The following SLC9A3 variants were observed in gnomAD, a reference collection of about 807,000 sequenced individuals.
The protein encoded by SLC9A3 is solute carrier family 9 member A3.
SLC9A3 carries 37 observed loss-of-function variants against 86.8 expected under a neutral mutation model. The ratio of observed to expected loss-of-function variants is 0.43; its 90% confidence interval spans 0.33 to 0.56. SLC9A3 has a LOEUF of 0.56. Among genes scored for constraint, SLC9A3 ranks in the 20% least tolerant of loss-of-function variants. The probability of loss-of-function intolerance (pLI) is 0.06; values close to 1 mark genes in which losing one functional copy is unlikely to be tolerated. For synonymous variants in SLC9A3, 581 were observed against 528.3 expected (o/e 1.10, Z -1.37); for missense variants, 1,011 against 1,171.9 (o/e 0.86, Z 2.00).
chr5:482,714 C>T lies in SLC9A3; in HGVS notation c.1190G>A (p.Arg397His). 4 of 1,610,848 alleles carry T rather than the reference C, an allele frequency of 2.5e-6. No homozygotes were observed. Among genetic ancestry groups the T allele is most frequent in the Non-Finnish European group, 3.4e-6 (4 of 1,179,136 alleles). Residue 397 changes from arginine to histidine, a missense_variant, in exon 7 of 17, where the codon CGC (arginine) becomes CAC (histidine). Transcript: ENST00000264938. ...VLQTWLLNRYRMVQLEPIDQV... is the reference protein window; with the variant it reads ...VLQTWLLNRYHMVQLEPIDQV... ...GTCAATGGGCTCCAGCTGCACCATG[C>T]GGTAGCGGTTCAGAAGCCAGGTCTG... is the stretch of plus-strand genomic sequence containing the variant.
In SLC9A3 at chr5:471,703, T is replaced by A. The variant is rs1738366249; in HGVS notation, c.*1676A>T. ...TGAAATGGCTACGAAGTGTGGAGAA[T>A]AACCACTGAATCCCAAAAAGTCACT... On this transcript the variant is annotated 3_prime_UTR_variant, in exon 17 of 17. Transcript: ENST00000264938. The A allele has an allele frequency of 4.5e-6, 2 of 443,216 alleles. No homozygotes were observed. The highest frequency in any genetic ancestry group is 1.4e-4 in the East Asian group (2 of 14,304). 27.5% of individuals were successfully genotyped at this position (443,216 alleles called of 1,614,324 possible). A position where few individuals can be genotyped will look rare whatever the true frequency, so the allele number is the denominator to read the frequency against.
chr5:488,469 C>T lies in SLC9A3; in HGVS notation c.522G>A (p.Leu174=). 1.9e-6 allele frequency: 3 copies of T among 1,565,094 alleles called. No individual in the cohort carries two copies. The highest frequency in any genetic ancestry group is 1.2e-5 in the South Asian group (1 of 85,714). The change falls in exon 3 of 17, where the codon CTG becomes CTA. Residue 174 remains leucine (L), a synonymous_variant. Coordinates refer to ENST00000264938, the MANE Select transcript of SLC9A3 (RefSeq NM_004174.4). ...GVFLSGLMGD[L]QIGLLDFLLF... is the part of the protein sequence containing the mutation. ...GGAGGAAGTCCAGCAGCCCAATCTGCAGGTCGCCTGGAAGACAAGCCGGGC... is the reference window on the plus strand; with the variant it reads ...GGAGGAAGTCCAGCAGCCCAATCTGTAGGTCGCCTGGAAGACAAGCCGGGC...
At chr5:504,042 A>G (rs1299723066) in intron 1 of SLC9A3, among the ~76,000 whole-genome samples, 1 of 151,970 alleles carries the variant, frequency 6.6e-6, no homozygotes, top group East Asian at 1.9e-4. Flanking sequence ...ACTTCAAAGT[A>G]GAAATTATGA....
chr5:476,431 C>T (rs1160149558), intron 12 of SLC9A3, 53 bp from the exon 13 acceptor site: 17 of 1,607,696 alleles, frequency 1.1e-5, no homozygotes, highest in East Asian at 2.2e-5. Flanking sequence ...GACATTCTCG[C>T]CCTCCTGCCG....
intron 2 of SLC9A3, among the ~76,000 whole-genome samples, chr5:490,381 A>G (rs1043188144): frequency 3.3e-5 from 5 of 151,752 alleles, no homozygotes; most frequent in African/African-American, 4.8e-5. Context: ...TGGTGTGGGG[A>G]GTCCTCCAGG....
chr5:524,264 CCCAGCG>C lies in SLC9A3; in HGVS notation c.53_58del (p.Ala18_Leu19del). 2 of 1,390,260 alleles carry C rather than the reference CCCAGCG, an allele frequency of 1.4e-6. No individual in the cohort carries two copies. The highest frequency in any genetic ancestry group is 1.6e-5 in the South Asian group (1 of 60,780). The allele number at this position is 1,390,260 out of a possible 1,614,324, so 86.1% of individuals were successfully genotyped here. On this transcript the variant is annotated inframe_deletion, in exon 1 of 17. Transcript: ENST00000264938. ...GACGCCCCCGGCCCGCGCCAGCCCG[CCCAGCG>C]CCAGCGCCAGCAGCAGCCCCCGGTC...
At chr5:501,284 C>T (rs1377450271) in intron 1 of SLC9A3, among the ~76,000 whole-genome samples, 1 of 152,202 alleles carries the variant, frequency 6.6e-6, no homozygotes, top group Non-Finnish European at 1.5e-5. Flanking sequence ...TGGTCAGGCC[C>T]AGGGCCTCCG....
At chr5:482,864 C>T (rs982440593) in intron 6 of SLC9A3, 114 bp from the exon 7 acceptor site, 7 of 809,634 alleles carry the variant, frequency 8.6e-6, no homozygotes, top group Non-Finnish European at 1.4e-5. Context: ...AGAACAGCGG[C>T]ACCCTAGATA....
intron 1 of SLC9A3, among the ~76,000 whole-genome samples, chr5:509,123 T>A (rs972865435): frequency 4.1e-5 from 6 of 146,952 alleles, no homozygotes; most frequent in African/African-American, 1.5e-4. Flanking sequence ...AAAAAAAAAT[T>A]ATCTCAGAAG....
chr5:490,752 C>T (rs1485963118), intron 2 of SLC9A3, among the ~76,000 whole-genome samples: 5 of 152,212 alleles, frequency 3.3e-5, no homozygotes, highest in Admixed American at 1.3e-4. Context: ...CTGCCCCATC[C>T]GAGGTGTGTC....
At chr5:488,542 A>G in intron 2 of SLC9A3, 66 bp from the exon 3 acceptor site, 1 of 1,425,188 alleles carries the variant, frequency 7.0e-7, no homozygotes, top group South Asian at 1.5e-5. Context: ...GGCCCTGGGG[A>G]GGCGCTCGCC....
At chr5:473,730 C>G (rs1214105959) in intron 16 of SLC9A3, among the ~76,000 whole-genome samples, 1 of 152,202 alleles carries the variant, frequency 6.6e-6, no homozygotes, top group South Asian at 2.1e-4. Context: ...CCTGGCGTCC[C>G]CCGGGTGCCT....
chr5:486,030 A>G (rs528903875), intron 3 of SLC9A3, among the ~76,000 whole-genome samples: 2 of 152,212 alleles, frequency 1.3e-5, no homozygotes, highest in South Asian at 2.1e-4. Flanking sequence ...ATTAAGTCTC[A>G]CTTCCCAAAT....
intron 1 of SLC9A3, 42 bp downstream of exon 1, chr5:524,070 G>A (rs1365196995): frequency 3.7e-6 from 5 of 1,355,790 alleles, no homozygotes; most frequent in South Asian, 1.4e-5. Flanking sequence ...AGAGGCGGCC[G>A]CACACCCCGC....
At position 482,486 on chromosome 5, in the gene SLC9A3, CG is replaced by C. The variant is rs1739251531; in HGVS notation, c.1356+61del. On this transcript the variant is annotated intron_variant, in intron 7 of 16. Transcript: ENST00000264938. ...GCCTGGAAATGCTTGTCCTGAAGTG[CG>C]GGCCCAGGCTCCCCTCGCGGGCGGG... The C allele has an allele frequency of 8.8e-6, 12 of 1,369,638 alleles. 2 individuals carry two copies. In the South Asian group the frequency reaches 1.5e-4, roughly 17 times the overall value. The allele number at this position is 1,369,638 out of a possible 1,614,324, so 84.8% of individuals were successfully genotyped here. A position where few individuals can be genotyped will look rare whatever the true frequency, so the allele number is the denominator to read the frequency against.
chr5:512,114 G>A (rs1733568104), intron 1 of SLC9A3, among the ~76,000 whole-genome samples: 1 of 152,236 alleles, frequency 6.6e-6, no homozygotes, highest in African/African-American at 2.4e-5. Context: ...GGGAGAGAGG[G>A]ATGAACAGGC....
At chr5:477,717 G>A (rs1738845270) in intron 10 of SLC9A3, 2 of 415,484 alleles carry the variant, frequency 4.8e-6, no homozygotes, top group Non-Finnish European at 4.3e-6. Flanking sequence ...TGGTCTGAGT[G>A]TGAAGGGGTA....
At chr5:492,178 GGAGGGATGTC>G (rs1739786723) in intron 1 of SLC9A3, 107 bp from the exon 2 acceptor site, 1 of 136,022 alleles carries the variant, frequency 7.4e-6, no homozygotes, top group Admixed American at 1.5e-4. Flanking sequence ...GTGGGGGAGG[GGAGGGATGTC>G]GGGGCAGGGC....
intron 1 of SLC9A3, among the ~76,000 whole-genome samples, chr5:500,065 A>G (rs1397404652): frequency 6.6e-6 from 1 of 152,266 alleles, no homozygotes; most frequent in Non-Finnish European, 1.5e-5. Context: ...TCAACCTTCT[A>G]CCAGAAGAGC....
Sources: allele counts gnomAD v4.1 joint callset (sites outside exome capture counted in the v4.1 genomes callset), GRCh38; gene constraint gnomAD v4.1.1; transcripts MANE v1.5; gene names NCBI Gene and HGNC (gene_info 2026-07-23, HGNC 2026-07-21).